The following CFDP1 variants were observed in gnomAD, a reference collection of about 807,000 sequenced individuals.
CFDP1 encodes heterochromatin-stabilizing protein CFDP1.
A neutral mutation model predicts 40.1 loss-of-function variants in CFDP1; 31 were observed. That is an observed-to-expected ratio of 0.77 (90% confidence interval 0.58 to 1.04). The LOEUF (loss-of-function observed/expected upper bound fraction) is 1.04, where lower values mean the gene tolerates loss of function less well. Ranked by LOEUF, CFDP1 falls within the 50% of genes least tolerant of loss-of-function variation. The pLI, the probability that CFDP1 is intolerant of heterozygous loss-of-function variation, is 0.00. For synonymous variants in CFDP1, 167 were observed against 120.0 expected (o/e 1.39, Z -2.56); for missense variants, 423 against 343.4 (o/e 1.23, Z -1.83).
intron 1 of CFDP1, among the ~76,000 whole-genome samples, chr16:75,423,727 G>T (rs2079305102): frequency 6.6e-6 from 1 of 152,108 alleles, no homozygotes. Context: ...CGTTAGCCAG[G>T]ATGGTCTCGA....
rs1475583338 is a variant in CFDP1 at position 75,367,719 on chromosome 16, G to A, written c.650+27371C>T. Among the ~76,000 whole-genome samples, 4 of 151,064 alleles carry A rather than the reference G, an allele frequency of 2.6e-5. No individual in the cohort carries two copies. The East Asian group carries it at 5.8e-4, about 22-fold the overall frequency. ...GAGGCAGGAGAATCACTTGAACCCCGGAGGCAGAGGTTGCCGTGAGCCAAG... is the reference window on the plus strand; with the variant it reads ...GAGGCAGGAGAATCACTTGAACCCCAGAGGCAGAGGTTGCCGTGAGCCAAG... On this transcript the variant is annotated intron_variant, in intron 5 of 6. Transcript: ENST00000283882.
chr16:75,360,095 G>A (rs529732286), intron 5 of CFDP1, among the ~76,000 whole-genome samples: 73 of 152,190 alleles, frequency 4.8e-4, no homozygotes, highest in South Asian at 8.3e-4. Context: ...GTCTCACTAT[G>A]TTGGGCAGCC....
At chr16:75,325,941 G>A (rs1340498449) in intron 5 of CFDP1, among the ~76,000 whole-genome samples, 1 of 152,192 alleles carries the variant, frequency 6.6e-6, no homozygotes, top group East Asian at 1.9e-4. Flanking sequence ...GGCTGGCTTA[G>A]GCACCTCTCA....
chr16:75,331,453 T>C (rs966076411), intron 5 of CFDP1, among the ~76,000 whole-genome samples: 1 of 152,082 alleles, frequency 6.6e-6, no homozygotes, highest in African/African-American at 2.4e-5. Flanking sequence ...TTATCTCCCA[T>C]CAGTTTTGGC....
At chr16:75,301,368 C>G (rs868066095) in intron 6 of CFDP1, among the ~76,000 whole-genome samples, 2 of 152,018 alleles carry the variant, frequency 1.3e-5, no homozygotes, top group African/African-American at 4.8e-5. Context: ...GCTCGCATGG[C>G]TCTGACTTGG....
intron 6 of CFDP1, among the ~76,000 whole-genome samples, chr16:75,297,328 C>T (rs962580427): frequency 6.6e-6 from 1 of 152,136 alleles, no homozygotes; most frequent in African/African-American, 2.4e-5. Flanking sequence ...TCTTGCTTCA[C>T]ATTTCTTCTG....
At chr16:75,432,393 AT>A (rs1405650534) in intron 1 of CFDP1, among the ~76,000 whole-genome samples, 18 of 131,508 alleles carry the variant, frequency 1.4e-4, no homozygotes, top group East Asian at 2.3e-4. Flanking sequence ...AAAAAAAAAA[AT>A]TTAAAAAATT....
intron 4 of CFDP1, among the ~76,000 whole-genome samples, chr16:75,401,195 G>A (rs1331549663): frequency 6.6e-6 from 1 of 152,078 alleles, no homozygotes; most frequent in Non-Finnish European, 1.5e-5. Context: ...TTGGGAGGCC[G>A]AGGTGGGTGG....
chr16:75,386,079 A>T (rs905625012), intron 5 of CFDP1, among the ~76,000 whole-genome samples: 1 of 152,192 alleles, frequency 6.6e-6, no homozygotes, highest in African/African-American at 2.4e-5. Context: ...TGGCACATGG[A>T]TTCCTATGTA....
chr16:75,297,524 C>A (rs372700209), intron 6 of CFDP1, among the ~76,000 whole-genome samples: 8 of 152,266 alleles, frequency 5.3e-5, no homozygotes, highest in South Asian at 2.1e-4. Context: ...CACCTGAGGA[C>A]AAGTGCAATG....
At chr16:75,393,387 A>G (rs1413408063) in intron 5 of CFDP1, among the ~76,000 whole-genome samples, 1 of 152,132 alleles carries the variant, frequency 6.6e-6, no homozygotes, top group African/African-American at 2.4e-5. Flanking sequence ...CTAAGAGAGT[A>G]TACTAGTATA....
intron 5 of CFDP1, among the ~76,000 whole-genome samples, chr16:75,378,577 A>G (rs1312544331): frequency 1.3e-5 from 2 of 152,176 alleles, no homozygotes; most frequent in Non-Finnish European, 2.9e-5. Context: ...GACACATACA[A>G]AAAAGACAAA....
Position 75,294,017 on chromosome 16 carries a change from C to T in CFDP1, c.835G>A (p.Asp279Asn), listed in dbSNP as rs1312938817. The T allele has an allele frequency of 4.3e-6, 7 of 1,613,996 alleles. No individual in the cohort carries two copies. Among genetic ancestry groups the T allele is most frequent in the East Asian group, 2.2e-5 (1 of 44,886 alleles). ...EGYIERKAFL[D>N]RVDHRQFEIE... is the part of the protein sequence containing the mutation. ...TCAAACTGCCTGTGATCCACTCGGT[C>T]AAGGAAGGCTTTCCGTTCAATGTAC... The change falls in exon 7 of 7, where the codon GAC (aspartate) becomes AAC (asparagine). Residue 279 changes from aspartate to asparagine, a missense_variant. Physicochemically the swap from Asp to Asn is conservative, Grantham distance 23. Coordinates refer to ENST00000283882, the MANE Select transcript of CFDP1 (RefSeq NM_006324.3).
Position 75,337,074 on chromosome 16 carries a change from T to TA in CFDP1, c.651-31893dup, listed in dbSNP as rs111740869. Among the ~76,000 whole-genome samples the TA allele has an allele frequency of 6.8e-3, 1,039 of 152,248 alleles. 14 individuals are homozygous for TA. The highest frequency in any genetic ancestry group is 0.023 in the African/African-American group (944 of 41,552). ...GCGGTCTCTGCCATGCACAAGTTTT[T>TA]AAAAAAAATTATGAATGTATCATTG... On this transcript the variant is annotated intron_variant, in intron 5 of 6. Coordinates refer to ENST00000283882, the MANE Select transcript of CFDP1 (RefSeq NM_006324.3).
intron 5 of CFDP1, among the ~76,000 whole-genome samples, chr16:75,392,622 T>C (rs977789356): frequency 6.6e-6 from 1 of 152,148 alleles, no homozygotes; most frequent in African/African-American, 2.4e-5. Context: ...CTCAGCCTCC[T>C]AGGTAGCTGG....
At chr16:75,401,310 C>T (rs1171868412) in intron 4 of CFDP1, among the ~76,000 whole-genome samples, 3 of 151,980 alleles carry the variant, frequency 2.0e-5, no homozygotes, top group East Asian at 3.9e-4. Context: ...CGCCTGTAGT[C>T]CCTGCTACTC....
chr16:75,347,017 G>C (rs75196996), intron 5 of CFDP1, among the ~76,000 whole-genome samples: 3,337 of 152,054 alleles, frequency 0.022, 71 homozygotes, highest in African/African-American at 0.053. Context: ...TTTATTAATA[G>C]CATGAAAATG....
chr16:75,433,172 A>C, intron 1 of CFDP1, 117 bp downstream of exon 1: 4 of 898,290 alleles, frequency 4.5e-6, no homozygotes, highest in Non-Finnish European at 6.7e-6. Flanking sequence ...ACGCTCGAGA[A>C]CAGGAGCCCC....
At chr16:75,385,068 G>C (rs180841390) in intron 5 of CFDP1, among the ~76,000 whole-genome samples, 28 of 151,108 alleles carry the variant, frequency 1.9e-4, no homozygotes, top group African/African-American at 6.8e-4. Flanking sequence ...CAGGTACAGA[G>C]TAAATAGATT....
Sources: allele counts gnomAD v4.1 joint callset (sites outside exome capture counted in the v4.1 genomes callset), GRCh38; gene constraint gnomAD v4.1.1; transcripts MANE v1.5; gene names NCBI Gene and HGNC (gene_info 2026-07-23, HGNC 2026-07-21).